The following RBFOX3 variants were observed in gnomAD, a reference collection of about 807,000 sequenced individuals.
RBFOX3 encodes RNA binding protein fox-1 homolog 3.
Under a neutral mutation model 48.7 loss-of-function variants are expected in RBFOX3, and 17 were observed. That is an observed-to-expected ratio of 0.35 (90% CI 0.24 to 0.52). RBFOX3 has a LOEUF of 0.52. RBFOX3 is among the 20% of genes least tolerant of loss of function. The pLI is 0.94. For synonymous variants in RBFOX3, 212 were observed against 209.5 expected (o/e 1.01, Z -0.10); for missense variants, 382 against 497.5 (o/e 0.77, Z 2.21).
rs997657034 is a variant in RBFOX3, at chr17:79,587,641, A to G, written c.-320+23185T>C. On this transcript the variant is annotated intron_variant, in intron 1 of 14. Coordinates refer to ENST00000693108, the MANE Select transcript of RBFOX3 (RefSeq NM_001350451.2). ...TCAGCCAGGCGAGGTCCCCCCACGG[A>G]GCAGCAGGCTGGCCAGAAAGCTTCA... Among the ~76,000 whole-genome samples the G allele has an allele frequency of 9.3e-4, 141 of 152,308 alleles. 2 individuals are homozygous for G. Among genetic ancestry groups the G allele is most frequent in the African/African-American group, 2.7e-3 (114 of 41,566 alleles).
chr17:79,438,655 G>A (rs923996778), intron 2 of RBFOX3, among the ~76,000 whole-genome samples: 4 of 152,236 alleles, frequency 2.6e-5, no homozygotes, highest in African/African-American at 7.2e-5. Context: ...GTCAGGGGCT[G>A]GCTGGGGGTC....
chr17:79,588,898 G>T (rs1280692996), intron 1 of RBFOX3, among the ~76,000 whole-genome samples: 1 of 151,686 alleles, frequency 6.6e-6, no homozygotes, highest in African/African-American at 2.4e-5. Context: ...TTGGACCTGG[G>T]CCATATAGTG....
At chr17:79,221,093 C>T (rs889297374) in intron 4 of RBFOX3, among the ~76,000 whole-genome samples, 2 of 152,336 alleles carry the variant, frequency 1.3e-5, no homozygotes, top group East Asian at 1.9e-4. Flanking sequence ...CCAGGATTTC[C>T]GCTCAGCCCT....
At chr17:79,645,766 G>T in the RBFOX3 span, among the ~76,000 whole-genome samples, 1 of 152,214 alleles carries the variant, frequency 6.6e-6, no homozygotes, top group Non-Finnish European at 1.5e-5. Flanking sequence ...GGAGTGAAGC[G>T]GGGTTAGCCT....
intron 2 of RBFOX3, among the ~76,000 whole-genome samples, chr17:79,384,102 C>T (rs529569094): frequency 6.6e-6 from 1 of 152,310 alleles, no homozygotes; most frequent in Admixed American, 6.5e-5. Context: ...GGAGAGGACA[C>T]CTACAGCGGG....
the RBFOX3 span, among the ~76,000 whole-genome samples, chr17:79,638,589 A>T: frequency 6.6e-6 from 1 of 152,212 alleles, no homozygotes; most frequent in Admixed American, 6.5e-5. Context: ...GTCTCCTCCA[A>T]TCTCATGTTG....
intron 4 of RBFOX3, among the ~76,000 whole-genome samples, chr17:79,137,652 C>T (rs1233407156): frequency 1.4e-5 from 2 of 143,604 alleles, no homozygotes; most frequent in East Asian, 2.9e-4. Context: ...GGCCCGGGCA[C>T]GCGGGGAGGG....
intron 3 of RBFOX3, among the ~76,000 whole-genome samples, chr17:79,300,716 G>A (rs1048123711): frequency 6.6e-6 from 1 of 152,182 alleles, no homozygotes; most frequent in Admixed American, 6.5e-5. Flanking sequence ...GAACTCCCCA[G>A]GGGATCTAGT....
At position 79,482,092 on chromosome 17, in the gene RBFOX3, G is replaced by C. The variant is rs1178992606; in HGVS notation, c.-175+362C>G. ...CAATCTGGGCAGCAGAACACGAACC[G>C]TGCAGGGGAGGGTCAGGCCCTGACT... On this transcript the variant is annotated intron_variant, in intron 2 of 14. Coordinates refer to ENST00000693108, the MANE Select transcript of RBFOX3 (RefSeq NM_001350451.2). This position sits in a 1 kb window ranked among gnomAD's most constrained non-coding sequence, Gnocchi z 4.1. Among the ~76,000 whole-genome samples, 2 of 152,142 alleles carry C rather than the reference G, an allele frequency of 1.3e-5. No homozygotes were observed. The highest frequency in any genetic ancestry group is 1.3e-4 in the Admixed American group (2 of 15,284).
intron 3 of RBFOX3, among the ~76,000 whole-genome samples, chr17:79,258,690 C>G (rs2065260478): frequency 6.6e-6 from 1 of 152,178 alleles, no homozygotes; most frequent in Non-Finnish European, 1.5e-5. Context: ...ATGGACAGGC[C>G]CTTTGGAAGA....
At chr17:79,146,304 C>T (rs1403919047) in intron 4 of RBFOX3, among the ~76,000 whole-genome samples, 1 of 152,198 alleles carries the variant, frequency 6.6e-6, no homozygotes, top group African/African-American at 2.4e-5. Flanking sequence ...AGACGCCCAT[C>T]AGAGTCTGAC....
intron 1 of RBFOX3, among the ~76,000 whole-genome samples, chr17:79,577,180 G>A (rs1161641683): frequency 1.4e-4 from 21 of 152,284 alleles, no homozygotes; most frequent in African/African-American, 2.9e-4. Flanking sequence ...AGTGCAGGAC[G>A]TGTCTGTCTT....
chr17:79,375,143 A>G (rs1201232262), intron 2 of RBFOX3, among the ~76,000 whole-genome samples: 1 of 152,220 alleles, frequency 6.6e-6, no homozygotes, highest in African/African-American at 2.4e-5. Flanking sequence ...GAGCAGGAAC[A>G]CGGTCCTCCT....
intron 2 of RBFOX3, among the ~76,000 whole-genome samples, chr17:79,320,400 C>T (rs923228175): frequency 1.3e-5 from 2 of 152,232 alleles, no homozygotes; most frequent in African/African-American, 2.4e-5. Context: ...GATCCCACGT[C>T]GTGCCACTTG....
At chr17:79,359,498 G>A (rs149235252) in intron 2 of RBFOX3, among the ~76,000 whole-genome samples, 466 of 152,288 alleles carry the variant, frequency 3.1e-3, no homozygotes, top group Non-Finnish European at 5.0e-3. Flanking sequence ...CATAGCCTTC[G>A]AAGGAAGGGC....
At chr17:79,140,378 C>T (rs535155124) in intron 4 of RBFOX3, among the ~76,000 whole-genome samples, 118 of 152,270 alleles carry the variant, frequency 7.7e-4, no homozygotes, top group Non-Finnish European at 7.9e-4. Flanking sequence ...CTGTATGATG[C>T]CACACCCAGC....
intron 4 of RBFOX3, among the ~76,000 whole-genome samples, chr17:79,149,269 G>A (rs1051923164): frequency 3.9e-5 from 6 of 152,214 alleles, no homozygotes; most frequent in South Asian, 2.1e-4. Context: ...TTAGTAGAGC[G>A]TGGGAGGCAG....
the RBFOX3 span, among the ~76,000 whole-genome samples, chr17:79,641,240 CCA>C: frequency 2.6e-5 from 4 of 152,000 alleles, no homozygotes; most frequent in Admixed American, 2.0e-4. Context: ...CAAAGCAAAA[CCA>C]CAGTTAGATA....
intron 1 of RBFOX3, among the ~76,000 whole-genome samples, chr17:79,534,942 G>A (rs919138852): frequency 5.9e-5 from 9 of 152,172 alleles, no homozygotes; most frequent in African/African-American, 1.7e-4. Flanking sequence ...GGAGAAATAC[G>A]GGAGAGTCTG....
Sources: gnomAD v4.1 joint callset for allele counts (sites outside exome capture counted in the v4.1 genomes callset) on GRCh38, gnomAD v4.1.1 for gene constraint, Gnocchi (gnomAD v3.1) non-coding constraint, MANE v1.5 for transcripts, NCBI Gene and HGNC (gene_info 2026-07-23, HGNC 2026-07-21) for gene names.